Variants in ST3GAL1 observed in about 807,000 individuals in gnomAD.
ST3GAL1 encodes the protein CMP-N-acetylneuraminate-beta-galactosamide-alpha-2,3-sialyltransferase 1.
In ST3GAL1, 16 loss-of-function variants were observed where a neutral mutation model predicts 34.1. That is an observed-to-expected ratio of 0.47 (90% CI 0.32 to 0.71). ST3GAL1 has a LOEUF of 0.71. Ranked by LOEUF, ST3GAL1 falls within the 30% of genes least tolerant of loss-of-function variation. The pLI is 0.04. For synonymous variants in ST3GAL1, 191 were observed against 184.7 expected (o/e 1.03, Z -0.28); for missense variants, 353 against 447.4 (o/e 0.79, Z 1.90).
At position 133,556,187 on chromosome 8, in the gene ST3GAL1, T is replaced by A. The variant is rs1279858562; in HGVS notation, c.-581-10261A>T. Among the ~76,000 whole-genome samples the A allele has an allele frequency of 6.6e-6, 1 of 152,110 alleles. No individual in the cohort carries two copies. The highest frequency in any genetic ancestry group is 1.5e-5 in the Non-Finnish European group (1 of 68,020). ...CTAGGATTGCAGGCATGAGCCACCA[T>A]GCCCAGCTTGTTTTTTCTTTTTGAA... is the stretch of plus-strand genomic sequence containing the variant. On this transcript the variant is annotated intron_variant, in intron 1 of 9. Transcript: ENST00000522652. This position sits in a 1 kb window ranked among gnomAD's most constrained non-coding sequence, Gnocchi z 8.9.
chr8:133,500,273 G>T (rs2130993054), intron 2 of ST3GAL1, among the ~76,000 whole-genome samples: 1 of 152,256 alleles, frequency 6.6e-6, no homozygotes, highest in Middle Eastern at 3.4e-3. Context: ...CATCAATAAT[G>T]GATGAGTCTG....
At chr8:133,486,511 G>A (rs1002330986) in intron 3 of ST3GAL1, among the ~76,000 whole-genome samples, 5 of 152,244 alleles carry the variant, frequency 3.3e-5, no homozygotes, top group Admixed American at 1.3e-4. Flanking sequence ...GGAAGGATCA[G>A]CCGTGAGGGG....
chr8:133,484,565 G>T lies in ST3GAL1; in HGVS notation c.-373-7965C>A, dbSNP rs560639458. ...GCTCGGCATGGGTCCCCAGGAAGAA[G>T]ATGCTGTCTCTGGAAGCTGAGTGTG... is the stretch of plus-strand genomic sequence containing the variant. On this transcript the variant is annotated intron_variant, in intron 3 of 9. Transcript: ENST00000522652. Among the ~76,000 whole-genome samples, 8 of 152,298 alleles carry T rather than the reference G, an allele frequency of 5.3e-5. No individual in the cohort carries two copies. In the East Asian group the frequency reaches 1.5e-3, roughly 29 times the overall value.
At chr8:133,512,037 G>A (rs781067346) in intron 2 of ST3GAL1, among the ~76,000 whole-genome samples, 2 of 152,192 alleles carry the variant, frequency 1.3e-5, no homozygotes, top group Non-Finnish European at 2.9e-5. Context: ...TGGCAACAGA[G>A]CGAGACTCTG....
At chr8:133,546,662 G>A (rs921431450) in intron 1 of ST3GAL1, among the ~76,000 whole-genome samples, 2 of 152,128 alleles carry the variant, frequency 1.3e-5, no homozygotes, top group African/African-American at 4.8e-5. Flanking sequence ...TGACATCGGG[G>A]TTAGGATAAA....
intron 2 of ST3GAL1, among the ~76,000 whole-genome samples, chr8:133,511,171 A>C (rs1817489440): frequency 6.6e-6 from 1 of 152,222 alleles, no homozygotes; most frequent in African/African-American, 2.4e-5. Context: ...AAAGATCAAC[A>C]AACACATTTT....
rs1051589038 is a variant in ST3GAL1 at position 133,570,347 on chromosome 8, T to C, written c.-582+1346A>G. 6.6e-6 allele frequency: 1 copy of C among 152,206 alleles called. No individual in the cohort carries two copies. Among genetic ancestry groups the C allele is most frequent in the Non-Finnish European group, 1.5e-5 (1 of 68,062 alleles). 9.4% of individuals were successfully genotyped at this position (152,206 alleles called of 1,614,324 possible). A position where few individuals can be genotyped will look rare whatever the true frequency, so the allele number is the denominator to read the frequency against. The stretch of plus-strand genomic sequence containing the variant: ...CTGATGCAGGGACGCGGCGAGCCAG[T>C]CACTGCCCTCAGGGTCACGGCTGAC... On this transcript the variant is annotated intron_variant, in intron 1 of 9. Coordinates refer to ENST00000522652, the MANE Select transcript of ST3GAL1 (RefSeq NM_173344.3). The surrounding 1 kb of genome is among the most constrained non-coding windows in gnomAD (Gnocchi z 5.6).
chr8:133,492,476 T>G (rs1292781185), intron 3 of ST3GAL1, among the ~76,000 whole-genome samples: 4 of 152,134 alleles, frequency 2.6e-5, no homozygotes, highest in African/African-American at 9.7e-5. Flanking sequence ...ATCCTAGCAC[T>G]TTGGGAGGCT....
At chr8:133,540,920 C>G (rs200369252) in intron 2 of ST3GAL1, among the ~76,000 whole-genome samples, 1 of 39,656 alleles carries the variant, frequency 2.5e-5, no homozygotes, top group Non-Finnish European at 4.2e-5. Flanking sequence ...TATATATAGA[C>G]ATATATATAT....
At chr8:133,484,300 A>G (rs1816499569) in intron 3 of ST3GAL1, among the ~76,000 whole-genome samples, 1 of 152,212 alleles carries the variant, frequency 6.6e-6, no homozygotes, top group African/African-American at 2.4e-5. Flanking sequence ...TCAAAGGTTC[A>G]CATGAGAGTT....
intron 3 of ST3GAL1, chr8:133,488,470 G>T (rs371165549): frequency 6.6e-6 from 1 of 152,274 alleles, no homozygotes; most frequent in African/African-American, 2.4e-5. Flanking sequence ...CCTTAAGATT[G>T]TAACAGAGAA....
chr8:133,468,056 G>T (rs183747206), intron 5 of ST3GAL1, among the ~76,000 whole-genome samples: 12 of 152,194 alleles, frequency 7.9e-5, no homozygotes, highest in African/African-American at 2.6e-4. Context: ...GTAAAAACTG[G>T]GTGGTTTTTC....
At chr8:133,533,809 C>T (rs548121474) in intron 2 of ST3GAL1, among the ~76,000 whole-genome samples, 6 of 152,218 alleles carry the variant, frequency 3.9e-5, no homozygotes, top group African/African-American at 1.2e-4. Context: ...GGGAACTTAT[C>T]GAAAGGACAT....
intron 2 of ST3GAL1, among the ~76,000 whole-genome samples, chr8:133,521,922 T>A (rs1029470260): frequency 4.0e-5 from 6 of 151,244 alleles, no homozygotes; most frequent in African/African-American, 1.4e-4. Context: ...TGTAGGATTT[T>A]CTGTTTCTGT....
chr8:133,507,529 T>G (rs987849051), intron 2 of ST3GAL1, among the ~76,000 whole-genome samples: 3 of 152,176 alleles, frequency 2.0e-5, no homozygotes, highest in Non-Finnish European at 4.4e-5. Context: ...GGCACGGGCA[T>G]TACCAGGCCC....
chr8:133,463,920 G>A (rs926192994), intron 7 of ST3GAL1, among the ~76,000 whole-genome samples: 3 of 152,176 alleles, frequency 2.0e-5, no homozygotes, highest in South Asian at 2.1e-4. Flanking sequence ...TGCTCCCAGA[G>A]AGACTGCAGC....
rs1819554391 is a variant in ST3GAL1, at chr8:133,571,108, C to T, written c.-582+585G>A. Among the ~76,000 whole-genome samples the T allele has an allele frequency of 6.6e-6, 1 of 152,222 alleles. No homozygotes were observed. Among genetic ancestry groups the T allele is most frequent in the Non-Finnish European group, 1.5e-5 (1 of 68,036 alleles). On this transcript the variant is annotated intron_variant, in intron 1 of 9. Transcript: ENST00000522652. The surrounding 1 kb of genome is among the most constrained non-coding windows in gnomAD (Gnocchi z 6.7). ...GTCCCCGGGGCCGATAGCCACCTCC[C>T]GGATCTGCGCCTGCTTGCAGCGGAT...
At chr8:133,480,070 C>A (rs1816324533) in intron 3 of ST3GAL1, among the ~76,000 whole-genome samples, 1 of 152,120 alleles carries the variant, frequency 6.6e-6, no homozygotes, top group Non-Finnish European at 1.5e-5. Flanking sequence ...CCGGGCCCCC[C>A]AGAACAAGGA....
chr8:133,497,945 T>A (rs1431379636), intron 3 of ST3GAL1, among the ~76,000 whole-genome samples: 1 of 152,206 alleles, frequency 6.6e-6, no homozygotes, highest in Non-Finnish European at 1.5e-5. Flanking sequence ...GCACACTCCC[T>A]GCCCCAGGGC....
Sources: gnomAD v4.1 joint callset for allele counts (sites outside exome capture counted in the v4.1 genomes callset) on GRCh38, gnomAD v4.1.1 for gene constraint, Gnocchi (gnomAD v3.1) non-coding constraint, MANE v1.5 for transcripts, NCBI Gene and HGNC (gene_info 2026-07-23, HGNC 2026-07-21) for gene names.